ANKRD26: variants seen among roughly 807,000 people sequenced by gnomAD.
ANKRD26 encodes ankyrin repeat domain 26.
A neutral mutation model predicts 208.7 loss-of-function variants in ANKRD26; 141 were observed. The ratio of observed to expected loss-of-function variants is 0.68; its 90% CI spans 0.59 to 0.78. The LOEUF is 0.78. Among genes scored for constraint, ANKRD26 ranks in the 30% least tolerant of loss-of-function variants. ANKRD26 has a pLI of 0.00. For synonymous variants in ANKRD26, 636 were observed against 660.4 expected, an observed-to-expected ratio of 0.96 and a Z score of 0.57; for missense variants, 1,889 against 1,938.7, an observed-to-expected ratio of 0.97 and a Z score of 0.48.
intron 30 of ANKRD26, among the ~76,000 whole-genome samples, chr10:27,017,259 T>C (rs1051820697): frequency 6.6e-6 from 1 of 152,224 alleles, no homozygotes; most frequent in Non-Finnish European, 1.5e-5. Flanking sequence ...GATGGTTTTG[T>C]TTTATGCCAA....
At chr10:27,090,859 G>A (rs1410491651) in intron 4 of ANKRD26, among the ~76,000 whole-genome samples, 1 of 152,152 alleles carries the variant, frequency 6.6e-6, no homozygotes, top group Non-Finnish European at 1.5e-5. Flanking sequence ...ACTTTGGGAG[G>A]CCAAGATGGG....
chr10:26,969,752 T>TG (rs2052116448), downstream of ANKRD26, among the ~76,000 whole-genome samples: 1 of 152,160 alleles, frequency 6.6e-6, no homozygotes, highest in African/African-American at 2.4e-5. Flanking sequence ...GTTGCCAAAC[T>TG]TTCAGATTAT....
At position 26,984,730 on chromosome 10, in the gene ANKRD26, T is replaced by C. The variant is rs79535510; in HGVS notation, c.490-1917A>G. Among the ~76,000 whole-genome samples the C allele has an allele frequency of 6.1e-3, 924 of 152,278 alleles. 29 individuals are homozygous for C. The East Asian group carries it at 0.1, about 17-fold the overall frequency. ...GGTTCCTGACACATGGGCCTTCCCA[T>C]TATAATTGTATAAGGGTATAGTTGA... is the stretch of plus-strand genomic sequence containing the variant. On this transcript the variant is annotated intron_variant and NMD_transcript_variant, in intron 3 of 5. Transcript: ENST00000674670.
rs573226713 is a variant in ANKRD26 at position 27,061,162 on chromosome 10, T to C, written c.1444A>G (p.Met482Val). ...TCCATACCCATGTGGGCTACTGGCATGCCTACATTTCTTGTATCCTCTAGT... is the reference window on the plus strand; with the variant it reads ...TCCATACCCATGTGGGCTACTGGCACGCCTACATTTCTTGTATCCTCTAGT... ...AKLEDTRNVG[M>V]PVAHMESPER... is the part of the protein sequence containing the mutation. Residue 482 changes from methionine to valine, a missense_variant, in exon 13 of 34, where the codon ATG becomes GTG. Met to Val is a conservative substitution (Grantham distance 21). This residue lies in a region of ANKRD26 where 1,272 missense variants were observed against 1,273.8 expected (regional missense o/e 1.00). Coordinates refer to ENST00000376087, the MANE Select transcript of ANKRD26 (RefSeq NM_014915.3). 7.1e-5 allele frequency: 114 copies of C among 1,610,884 alleles called. No individual in the cohort carries two copies. Among genetic ancestry groups the C allele is most frequent in the Non-Finnish European group, 9.6e-5 (113 of 1,177,446 alleles).
downstream of ANKRD26, among the ~76,000 whole-genome samples, chr10:27,000,878 G>T (rs547307613): frequency 6.6e-6 from 1 of 151,926 alleles, no homozygotes; most frequent in Admixed American, 6.6e-5. Context: ...GCATGGTGGC[G>T]GCACCTGTAA....
chr10:27,059,537 T>C (rs966785934), intron 15 of ANKRD26, among the ~76,000 whole-genome samples: 1 of 152,180 alleles, frequency 6.6e-6, no homozygotes, highest in Non-Finnish European at 1.5e-5. Context: ...GCAATAATTT[T>C]TAATAGCATA....
intron 9 of ANKRD26, among the ~76,000 whole-genome samples, chr10:27,072,576 TCCC>T: frequency 6.6e-6 from 1 of 152,134 alleles, no homozygotes; most frequent in Non-Finnish European, 1.5e-5. Context: ...CCAGAGTATT[TCCC>T]TTGGGTAACC....
chr10:27,064,589 T>C (rs371832662), intron 11 of ANKRD26, among the ~76,000 whole-genome samples: 3 of 152,336 alleles, frequency 2.0e-5, no homozygotes, highest in African/African-American at 7.2e-5. Flanking sequence ...ATATGTGGCA[T>C]GATAAGAAAC....
chr10:26,959,106 T>C, the ANKRD26 span, among the ~76,000 whole-genome samples: 2 of 151,820 alleles, frequency 1.3e-5, no homozygotes, highest in East Asian at 1.9e-4. Flanking sequence ...TTGAGGAGTG[T>C]TGAAACTACT....
intron 9 of ANKRD26, among the ~76,000 whole-genome samples, chr10:27,070,275 T>G (rs1420318529): frequency 6.6e-6 from 1 of 151,670 alleles, no homozygotes; most frequent in East Asian, 1.9e-4. Context: ...TAGTACACAC[T>G]TGTAGTCCCA....
chr10:27,057,378 T>C (rs2054873790), intron 15 of ANKRD26, among the ~76,000 whole-genome samples: 1 of 152,216 alleles, frequency 6.6e-6, no homozygotes, highest in Admixed American at 6.5e-5. Flanking sequence ...TATTTTGTTT[T>C]CCATAAGAGA....
At chr10:27,096,704 T>C (rs2056476240) in intron 1 of ANKRD26, among the ~76,000 whole-genome samples, 2 of 141,020 alleles carry the variant, frequency 1.4e-5, no homozygotes, top group Admixed American at 7.4e-5. Flanking sequence ...AGGAGAAGGT[T>C]ACAGTGAGCC....
Position 27,100,220 on chromosome 10 carries a change from G to T in ANKRD26, c.107C>A (p.Ser36Ter), listed in dbSNP as rs370482604. ...GGGEPGEGAY[S>*]QPGYHVRDRD... ...GTCTCGGACGTGGTAGCCGGGCTGCGAGTAGGCGCCCTCCCCCGGCTCGCC... is the reference window on the plus strand; with the variant it reads ...GTCTCGGACGTGGTAGCCGGGCTGCTAGTAGGCGCCCTCCCCCGGCTCGCC... Residue 36 changes from serine to a stop codon, truncating the protein, a stop_gained, in exon 1 of 34, where the codon TCG (serine) becomes TAG (stop). Coordinates refer to ENST00000376087, the MANE Select transcript of ANKRD26 (RefSeq NM_014915.3). LOFTEE classifies it high-confidence loss of function. 3.1e-6 allele frequency: 5 copies of T among 1,613,116 alleles called. No individual in the cohort carries two copies. Among genetic ancestry groups the T allele is most frequent in the African/African-American group, 1.3e-5 (1 of 75,060 alleles).
intron 6 of ANKRD26, chr10:27,080,909 T>A (rs567698596): frequency 1.0e-6 from 1 of 985,312 alleles, no homozygotes; most frequent in African/African-American, 1.7e-5. Flanking sequence ...TACATGTCCA[T>A]GAGAAGGACA....
chr10:26,971,675 CA>C (rs1170237211), downstream of ANKRD26, among the ~76,000 whole-genome samples: 166 of 89,446 alleles, frequency 1.9e-3, no homozygotes, highest in Admixed American at 1.9e-3. Context: ...GACCATGTCT[CA>C]AAAAAAAAAA....
intron 18 of ANKRD26, among the ~76,000 whole-genome samples, chr10:27,045,280 C>T (rs557448713): frequency 2.6e-5 from 4 of 152,122 alleles, no homozygotes; most frequent in Admixed American, 1.3e-4. Context: ...AAAAAATAGC[C>T]GGGCATGGTG....
At chr10:26,986,615 C>T (rs550395255) in intron 3 of ANKRD26, among the ~76,000 whole-genome samples, 298 of 152,202 alleles carry the variant, frequency 2.0e-3, no homozygotes, top group African/African-American at 6.9e-3. Context: ...AATAAGTGGG[C>T]GAAGGATATG....
chr10:26,965,405 G>A, the ANKRD26 span, among the ~76,000 whole-genome samples: 1 of 152,184 alleles, frequency 6.6e-6, no homozygotes, highest in Admixed American at 6.5e-5. Context: ...TTAATAAATG[G>A]TGCTGGGAAA....
chr10:27,027,808 C>T (rs944440114), intron 27 of ANKRD26, among the ~76,000 whole-genome samples: 1 of 152,194 alleles, frequency 6.6e-6, no homozygotes, highest in African/African-American at 2.4e-5. Flanking sequence ...TGTGAAACCA[C>T]TACAATTTGG....
Sources: gnomAD v4.1 joint callset for allele counts (sites outside exome capture counted in the v4.1 genomes callset) on GRCh38, gnomAD v4.1.1 for gene constraint, gnomAD v4.1.1 regional missense constraint, MANE v1.5 for transcripts, NCBI Gene and HGNC (gene_info 2026-07-23, HGNC 2026-07-21) for gene names.